The following ATP12A variants were observed in gnomAD, a reference collection of about 807,000 sequenced individuals.
ATP12A encodes ATPase H+/K+ transporting non-gastric alpha2 subunit, also known as potassium-transporting ATPase alpha chain 2.
ATP12A carries 81 observed loss-of-function variants against 111.2 expected under a neutral mutation model. The observed-to-expected ratio is 0.73, with a 90% CI of 0.61 to 0.88. ATP12A has a LOEUF of 0.88. ATP12A is among the 40% of genes least tolerant of loss of function. The pLI is 0.00. For missense variants in ATP12A, 1,196 were observed against 1,313.1 expected (o/e 0.91, Z 1.38); for synonymous variants, 498 against 499.8 (o/e 1.00, Z 0.05).
At chr13:24,693,753 A>G (rs980043663) in intron 10 of ATP12A, among the ~76,000 whole-genome samples, 2 of 152,232 alleles carry the variant, frequency 1.3e-5, no homozygotes, top group African/African-American at 4.8e-5. Flanking sequence ...TTTGGAAGTC[A>G]TCTTTGACTT....
rs754374534 is a variant in ATP12A, at chr13:24,710,631, C to T, written c.2897+38C>T. ...CCCGGCCTCCTGGGGCAGCCCTGGG[C>T]CTGCCGTGCAAGGATGATGATGATT... On this transcript the variant is annotated intron_variant, in intron 20 of 22. Transcript: ENST00000381946. 15 of 1,613,390 alleles carry T rather than the reference C, an allele frequency of 9.3e-6. No individual in the cohort carries two copies. The East Asian group carries it at 3.1e-4, about 34-fold the overall frequency.
Position 24,710,443 on chromosome 13 carries a change from TCTC to T in ATP12A, c.2764-16_2764-14del. On this transcript the variant is annotated splice_polypyrimidine_tract_variant and intron_variant, in intron 19 of 22. Transcript: ENST00000381946. The stretch of plus-strand genomic sequence containing the variant: ...CCTTTAGGCCTCAAGGTCTCTTCCT[TCTC>T]TGCCCATTAACAGACAAGGTACCAG... The T allele has an allele frequency of 1.2e-6, 2 of 1,613,498 alleles. No individual in the cohort carries two copies. The highest frequency in any genetic ancestry group is 1.7e-6 in the Non-Finnish European group (2 of 1,179,830).
At chr13:24,687,183 T>C (rs1316113373) in intron 3 of ATP12A, among the ~76,000 whole-genome samples, 1 of 152,042 alleles carries the variant, frequency 6.6e-6, no homozygotes, top group Non-Finnish European at 1.5e-5. Flanking sequence ...AAGACTGGCC[T>C]GTCATGGTGG....
In ATP12A at chr13:24,709,387, C is replaced by G. The variant is rs368123804; in HGVS notation, c.2517C>G (p.Tyr839Ter). The change falls in exon 18 of 23, where the codon TAC (tyrosine) becomes TAG (stop). Residue 839 changes from tyrosine to a stop codon, truncating the protein, a stop_gained. Transcript: ENST00000381946. LOFTEE classifies it high-confidence loss of function. ...TDIIPSIALA[Y>*]EKAESDIMNR... Reference sequence around the variant, plus strand: ...AGATCCCCTCCATTGCCTTGGCGTACGAGAAAGCTGAAAGTGACATCATGA... The same window carrying G: ...AGATCCCCTCCATTGCCTTGGCGTAGGAGAAAGCTGAAAGTGACATCATGA... The G allele has an allele frequency of 4.3e-6, 7 of 1,611,366 alleles. No homozygotes were observed. The Admixed American group carries it at 1.0e-4, about 23-fold the overall frequency.
chr13:24,709,548 G>A (rs908582733), intron 18 of ATP12A, 61 bp downstream of exon 18: 11 of 1,599,482 alleles, frequency 6.9e-6, no homozygotes, highest in East Asian at 4.5e-5. Context: ...TCACTGGAGT[G>A]GGGGGCACAG....
intron 11 of ATP12A, among the ~76,000 whole-genome samples, chr13:24,698,315 G>C (rs906748564): frequency 2.0e-5 from 3 of 152,236 alleles, no homozygotes; most frequent in South Asian, 2.1e-4. Flanking sequence ...CAGGGAGGTA[G>C]AGGAGGTGAG....
chr13:24,711,732 ATCTC>A lies in ATP12A; in HGVS notation c.*211_*214del. 1 of 622,846 alleles carries A rather than the reference ATCTC, an allele frequency of 1.6e-6. No homozygotes were observed. Among genetic ancestry groups the A allele is most frequent in the Admixed American group, 3.0e-5 (1 of 33,688 alleles). The allele number at this position is 622,846 out of a possible 1,614,324, so 38.6% of individuals were successfully genotyped here. On this transcript the variant is annotated 3_prime_UTR_variant, in exon 23 of 23. Transcript: ENST00000381946. ...CTCTTTATATAGGATTTTCTTTTCT[ATCTC>A]CATCTCCTCATTAAAAAATACGTAC...
chr13:24,706,176 C>T, intron 14 of ATP12A, 137 bp from the exon 15 acceptor site: 1 of 1,153,490 alleles, frequency 8.7e-7, no homozygotes. Context: ...CTCCTGTTAC[C>T]TCACTAGAGC....
At position 24,685,424 on chromosome 13, in the gene ATP12A, AG is replaced by A. The variant is rs1874632684; in HGVS notation, c.228+54del. On this transcript the variant is annotated intron_variant, in intron 3 of 22. Transcript: ENST00000381946. The surrounding 1 kb of genome is among the most constrained non-coding windows in gnomAD (Gnocchi z 5.5). ...GAAGAGAAGCCTCCCAACTCTACAG[AG>A]GGAAGGCTGTGTGTGGCGGGGGGCT... 6.3e-7 allele frequency: 1 copy of A among 1,576,246 alleles called. No individual in the cohort carries two copies. Among genetic ancestry groups the A allele is most frequent in the African/African-American group, 1.3e-5 (1 of 74,092 alleles).
At chr13:24,701,020 C>T in intron 13 of ATP12A, 98 bp downstream of exon 13, 1 of 1,297,556 alleles carries the variant, frequency 7.7e-7, no homozygotes, top group South Asian at 1.5e-5. Context: ...TAGGTGTCTT[C>T]AAGTAAATAT....
chr13:24,698,770 A>G lies in ATP12A; in HGVS notation c.1625A>G (p.Glu542Gly), dbSNP rs745533727. 2 of 1,614,058 alleles carry G rather than the reference A, an allele frequency of 1.2e-6. No homozygotes were observed. Among genetic ancestry groups the G allele is most frequent in the South Asian group, 1.1e-5 (1 of 91,078 alleles). The part of the protein sequence containing the change: ...KCSTIMINGE[E>G]HPLDKSTAKT... Reference sequence around the variant, plus strand: ...AGCACCATCATGATCAACGGCGAGGAGCACCCACTGGACAAGAGCACTGCC... The same window carrying G: ...AGCACCATCATGATCAACGGCGAGGGGCACCCACTGGACAAGAGCACTGCC... The change falls in exon 12 of 23, where the codon GAG becomes GGG. Residue 542 changes from glutamate (E) to glycine (G), a missense_variant. By Grantham distance (98) the Glu-to-Gly change is moderately conservative. Coordinates refer to ENST00000381946, the MANE Select transcript of ATP12A (RefSeq NM_001676.7).
At chr13:24,694,399 T>C (rs1875041692) in intron 10 of ATP12A, 45 bp from the exon 11 acceptor site, 21 of 1,609,502 alleles carry the variant, frequency 1.3e-5, no homozygotes, top group Non-Finnish European at 1.7e-5. Context: ...GGCATGTTGG[T>C]TCATTAAATA....
intron 2 of ATP12A, among the ~76,000 whole-genome samples, chr13:24,682,059 G>GGT (rs1323986103): frequency 8.1e-6 from 1 of 123,838 alleles, no homozygotes; most frequent in South Asian, 2.9e-4. Context: ...GTGTGTGTAT[G>GGT]GTGTGTGTGT....
chr13:24,707,032 G>A lies in ATP12A; in HGVS notation c.2179G>A (p.Val727Ile). The A allele has an allele frequency of 6.2e-7, 1 of 1,604,302 alleles. No homozygotes were observed. The highest frequency in any genetic ancestry group is 1.3e-5 in the African/African-American group (1 of 74,902). ...VEGCQRQDAV[V>I]AVTGDGVNDS... ...GGGTCCCCCGCCATAGGATGCTGTT[G>A]TTGCTGTGACCGGGGATGGAGTTAA... Residue 727 changes from valine (V) to isoleucine (I), a missense_variant, in exon 16 of 23, where the codon GTT becomes ATT. By Grantham distance (29) the Val-to-Ile change is conservative (BLOSUM62 3). Around this residue, in one of 3 missense-constraint regions of ATP12A, gnomAD observed 1,126 missense variants for 1,228.5 expected, o/e 0.92. Coordinates refer to ENST00000381946, the MANE Select transcript of ATP12A (RefSeq NM_001676.7).
At chr13:24,709,292 CA>C in intron 17 of ATP12A, 71 bp from the exon 18 acceptor site, 2 of 888,520 alleles carry the variant, frequency 2.3e-6, no homozygotes, top group Admixed American at 2.9e-5. Flanking sequence ...CCACCCACCC[CA>C]GCCCCCCTCC....
chr13:24,688,925 A>C (rs934969662), intron 4 of ATP12A, among the ~76,000 whole-genome samples: 1 of 152,142 alleles, frequency 6.6e-6, no homozygotes, highest in African/African-American at 2.4e-5. Flanking sequence ...TTGGATTGAC[A>C]TGAAATGTGC....
At chr13:24,693,034 G>A (rs1274799585) in intron 10 of ATP12A, 138 bp downstream of exon 10, 1 of 736,430 alleles carries the variant, frequency 1.4e-6, no homozygotes, top group Non-Finnish European at 2.2e-6. Context: ...AGACTCACAA[G>A]ACATCCAGAA....
intron 5 of ATP12A, 87 bp downstream of exon 5, chr13:24,689,462 A>G: frequency 8.9e-7 from 1 of 1,122,036 alleles, no homozygotes; most frequent in Non-Finnish European, 1.3e-6. Context: ...CCTGAGGGCT[A>G]CGGGTTTCCA....
intron 11 of ATP12A, among the ~76,000 whole-genome samples, chr13:24,697,195 T>C (rs967206357): frequency 2.0e-5 from 3 of 152,152 alleles, no homozygotes; most frequent in African/African-American, 7.2e-5. Flanking sequence ...TTTCCTCCTT[T>C]GTAAAAGGGA....
Sources: allele counts gnomAD v4.1 joint callset (sites outside exome capture counted in the v4.1 genomes callset), GRCh38; gene constraint gnomAD v4.1.1; regional missense constraint gnomAD v4.1.1; non-coding constraint Gnocchi (gnomAD v3.1); transcripts MANE v1.5; gene names NCBI Gene and HGNC (gene_info 2026-07-23, HGNC 2026-07-21).